The following DPCD variants were observed in gnomAD, a reference collection of about 807,000 sequenced individuals.
The protein encoded by DPCD is deleted in primary ciliary dyskinesia homolog (mouse).
A neutral mutation model predicts 26.4 loss-of-function variants in DPCD; 20 were observed. The ratio of observed to expected loss-of-function variants is 0.76; its 90% CI spans 0.53 to 1.10. The LOEUF (loss-of-function observed/expected upper bound fraction) is 1.10, where lower values mean the gene tolerates loss of function less well. Ranked by LOEUF, DPCD falls within the 50% of genes least tolerant of loss-of-function variation. DPCD has a pLI of 0.00. For synonymous variants in DPCD, 97 were observed against 94.2 expected, an observed-to-expected ratio of 1.03 and a Z score of -0.17; for missense variants, 202 against 253.9, an observed-to-expected ratio of 0.80 and a Z score of 1.39.
At chr10:101,608,791 G>T in intron 4 of DPCD, 44 bp from the exon 5 acceptor site, 1 of 1,426,254 alleles carries the variant, frequency 7.0e-7, no homozygotes, top group South Asian at 1.1e-5. Flanking sequence ...TGGCTGTTGG[G>T]TCACCTTGCC....
Position 101,594,074 on chromosome 10 carries a change from A to G in DPCD, c.65-584A>G, listed in dbSNP as rs559690785. On this transcript the variant is annotated intron_variant, in intron 1 of 5. Transcript: ENST00000370151. ...ATACATGGGGACTTAACATTGTGTT[A>G]CTGTGTGATAGGAATGGCCTGGAGA... 2.6e-5 allele frequency among the ~76,000 whole-genome samples: 4 copies of G among 152,352 alleles called. No homozygotes were observed. The South Asian group carries it at 8.3e-4, about 32-fold the overall frequency.
rs1339163305 is a variant in DPCD, at chr10:101,594,871, G to A, written c.145+133G>A. On this transcript the variant is annotated intron_variant, in intron 2 of 5. Coordinates refer to ENST00000370151, the MANE Select transcript of DPCD (RefSeq NM_015448.3). ...GAGGCTGGGAGAGACGGAAGCCCTCGAGACAACAACGTTCCTGAGCATAAT... is the reference window on the plus strand; with the variant it reads ...GAGGCTGGGAGAGACGGAAGCCCTCAAGACAACAACGTTCCTGAGCATAAT... 1.0e-5 allele frequency: 8 copies of A among 795,112 alleles called. 1 individual carries two copies. Among genetic ancestry groups the A allele is most frequent in the Non-Finnish European group, 1.6e-5 (8 of 491,684 alleles). The allele number at this position is 795,112 out of a possible 1,614,324, so 49.3% of individuals were successfully genotyped here. A position where few individuals can be genotyped will look rare whatever the true frequency, so the allele number is the denominator to read the frequency against.
intron 4 of DPCD, among the ~76,000 whole-genome samples, chr10:101,601,772 G>A (rs1246055317): frequency 6.6e-6 from 1 of 152,072 alleles, no homozygotes; most frequent in Non-Finnish European, 1.5e-5. Flanking sequence ...TGAAGTGGGA[G>A]TGACAGTCCT....
At chr10:101,591,843 G>A (rs576840274) in intron 1 of DPCD, among the ~76,000 whole-genome samples, 145 of 151,874 alleles carry the variant, frequency 9.5e-4, no homozygotes, top group African/African-American at 3.1e-3. Context: ...CACCAAGCCC[G>A]GCTAATTTTT....
Position 101,603,976 on chromosome 10 carries a change from A to G in DPCD, c.404+2640A>G, listed in dbSNP as rs946543891. ...TCTCCATTTTGCCCAAGCTGCTCTC[A>G]AAATCCTGGGCTCAAGTGATCCTCC... On this transcript the variant is annotated intron_variant, in intron 4 of 5. Transcript: ENST00000370151. This position sits in a 1 kb window ranked among gnomAD's most constrained non-coding sequence, Gnocchi z 4.6. Among the ~76,000 whole-genome samples, 4 of 152,082 alleles carry G rather than the reference A, an allele frequency of 2.6e-5. No homozygotes were observed. The highest frequency in any genetic ancestry group is 2.0e-4 in the Admixed American group (3 of 15,262).
At chr10:101,604,971 A>C (rs2063723207) in intron 4 of DPCD, among the ~76,000 whole-genome samples, 1 of 152,166 alleles carries the variant, frequency 6.6e-6, no homozygotes, top group East Asian at 1.9e-4. Context: ...TCTGTGGTTA[A>C]ATAAATTTAA....
intron 1 of DPCD, among the ~76,000 whole-genome samples, chr10:101,591,731 G>A (rs1386234793): frequency 2.0e-5 from 3 of 151,908 alleles, no homozygotes; most frequent in Non-Finnish European, 4.4e-5. Context: ...GCCCAAACTG[G>A]AGTGCAATGG....
At position 101,606,370 on chromosome 10, in the gene DPCD, A is replaced by G. The variant is rs943248261; in HGVS notation, c.405-2465A>G. ...GAGACAGGGTTTCACCATGTTGGCCAGGCTGGTCTTGAACTCCTGGCCTCA... is the reference window on the plus strand; with the variant it reads ...GAGACAGGGTTTCACCATGTTGGCCGGGCTGGTCTTGAACTCCTGGCCTCA... On this transcript the variant is annotated intron_variant, in intron 4 of 5. Coordinates refer to ENST00000370151, the MANE Select transcript of DPCD (RefSeq NM_015448.3). Among the ~76,000 whole-genome samples, 3 of 152,242 alleles carry G rather than the reference A, an allele frequency of 2.0e-5. No individual in the cohort carries two copies. The East Asian group carries it at 5.8e-4, about 29-fold the overall frequency.
intron 4 of DPCD, among the ~76,000 whole-genome samples, chr10:101,605,404 G>A (rs1036414640): frequency 2.0e-5 from 3 of 152,144 alleles, no homozygotes; most frequent in Admixed American, 1.3e-4. Flanking sequence ...TGGAGGAGTC[G>A]TCTGTCAAAC....
chr10:101,607,869 G>C (rs1305057492), intron 4 of DPCD, among the ~76,000 whole-genome samples: 1 of 152,198 alleles, frequency 6.6e-6, no homozygotes, highest in African/African-American at 2.4e-5. Flanking sequence ...TGCCAAATTG[G>C]TGTACTGTTA....
At chr10:101,597,174 T>C (rs896289907) in intron 2 of DPCD, among the ~76,000 whole-genome samples, 1 of 152,184 alleles carries the variant, frequency 6.6e-6, no homozygotes, top group Non-Finnish European at 1.5e-5. Flanking sequence ...AGCGATTACA[T>C]TCGGATTACC....
At chr10:101,595,078 T>C (rs983021642) in intron 2 of DPCD, among the ~76,000 whole-genome samples, 1 of 152,220 alleles carries the variant, frequency 6.6e-6, no homozygotes, top group Non-Finnish European at 1.5e-5. Flanking sequence ...GGGCAGACTT[T>C]CACAATTTGT....
At chr10:101,597,249 G>A (rs1034552469) in intron 2 of DPCD, among the ~76,000 whole-genome samples, 2 of 152,174 alleles carry the variant, frequency 1.3e-5, no homozygotes, top group Admixed American at 1.3e-4. Flanking sequence ...GGAGGATATT[G>A]AGCACTTTCA....
chr10:101,594,867 C>A, intron 2 of DPCD, 129 bp downstream of exon 2: 1 of 822,800 alleles, frequency 1.2e-6, no homozygotes, highest in Non-Finnish European at 1.9e-6. Flanking sequence ...AGACGGAAGC[C>A]CTCGAGACAA....
At chr10:101,605,332 T>C (rs991275651) in intron 4 of DPCD, 106 of 1,431,298 alleles carry the variant, frequency 7.4e-5, no homozygotes, top group Admixed American at 1.2e-4. Flanking sequence ...AAAGGCTGGA[T>C]TGGGGAGGGG....
Position 101,601,239 on chromosome 10 carries a change from C to T in DPCD, c.307C>T (p.Gln103Ter), listed in dbSNP as rs1302210073. The T allele has an allele frequency of 5.6e-6, 9 of 1,613,656 alleles. No homozygotes were observed. Among genetic ancestry groups the T allele is most frequent in the African/African-American group, 4.0e-5 (3 of 74,836 alleles). Residue 103 changes from glutamine to a stop codon, truncating the protein, a stop_gained, in exon 4 of 6, where the codon CAG (glutamine) becomes TAG (stop). Coordinates refer to ENST00000370151, the MANE Select transcript of DPCD (RefSeq NM_015448.3). LOFTEE classifies it high-confidence loss of function. Reference sequence around the variant, plus strand: ...GCGCAAGGACACCAAGATGAGTTTCCAGTGGCGGATTCGAAACCTCCCCTA... The same window carrying T: ...GCGCAAGGACACCAAGATGAGTTTCTAGTGGCGGATTCGAAACCTCCCCTA... ...FMRKDTKMSF[Q>*]WRIRNLPYPK...
rs1174617897 is a variant in DPCD, at chr10:101,588,416, C to G, written c.64+16C>G. 1 of 1,580,496 alleles carries G rather than the reference C, an allele frequency of 6.3e-7. No homozygotes were observed. ...CTGCAGGACGGTAACTCGAGGGTCC[C>G]CACGGGCTCCTTCGTTTTTTTCCCT... On this transcript the variant is annotated intron_variant, in intron 1 of 5. Transcript: ENST00000370151.
intron 1 of DPCD, 148 bp from the exon 2 acceptor site, chr10:101,594,510 G>A (rs1323317082): frequency 1.4e-6 from 1 of 690,452 alleles, no homozygotes; most frequent in Admixed American, 2.2e-5. Flanking sequence ...GTAATGGTGG[G>A]TGGTGGTTGG....
chr10:101,598,787 G>C (rs971675449), intron 2 of DPCD, among the ~76,000 whole-genome samples: 1 of 152,052 alleles, frequency 6.6e-6, no homozygotes, highest in East Asian at 1.9e-4. Context: ...ACCACACCCA[G>C]CTAATGTTTT....
Sources: gnomAD v4.1 joint callset for allele counts (sites outside exome capture counted in the v4.1 genomes callset) on GRCh38, gnomAD v4.1.1 for gene constraint, Gnocchi (gnomAD v3.1) non-coding constraint, MANE v1.5 for transcripts, NCBI Gene and HGNC (gene_info 2026-07-23, HGNC 2026-07-21) for gene names.